The following KIF6 variants were observed in gnomAD, a reference collection of about 807,000 sequenced individuals.
KIF6 encodes the protein kinesin family member 6.
In KIF6, 106 loss-of-function variants were observed where a neutral mutation model predicts 112.7. The ratio of observed to expected loss-of-function variants is 0.94; its 90% CI spans 0.80 to 1.11. The LOEUF (loss-of-function observed/expected upper bound fraction) is 1.11, where lower values mean the gene tolerates loss of function less well. KIF6 is among the 50% of genes least tolerant of loss of function. KIF6 has a pLI of 0.00. For missense variants in KIF6, 929 were observed against 964.0 expected, an observed-to-expected ratio of 0.96 and a Z score of 0.48; for synonymous variants, 339 against 339.9, an observed-to-expected ratio of 1.00 and a Z score of 0.03.
intron 13 of KIF6, among the ~76,000 whole-genome samples, chr6:39,482,009 C>CACACACACAA (rs1774829707): frequency 8.5e-6 from 1 of 117,616 alleles, no homozygotes; most frequent in African/African-American, 3.1e-5. Context: ...CCTTTAGGCA[C>CACACACACAA]ACACACACAC....
chr6:39,496,597 G>A (rs1157285214), intron 13 of KIF6, among the ~76,000 whole-genome samples: 1 of 152,130 alleles, frequency 6.6e-6, no homozygotes, highest in Non-Finnish European at 1.5e-5. Flanking sequence ...GCAAGCCTGA[G>A]ATGGTCGTAG....
intron 3 of KIF6, among the ~76,000 whole-genome samples, chr6:39,714,386 C>T (rs745897532): frequency 1.9e-4 from 28 of 150,802 alleles, no homozygotes; most frequent in Non-Finnish European, 3.6e-4. Context: ...TCTGCCACCA[C>T]TACCCATGCA....
chr6:39,356,305 G>T (rs148936426), intron 19 of KIF6, among the ~76,000 whole-genome samples: 3,879 of 151,120 alleles, frequency 0.026, 186 homozygotes, highest in African/African-American at 0.088. Context: ...AGTCTCTGTC[G>T]CCCAGGCTGG....
At chr6:39,621,063 C>T (rs1296645375) in intron 5 of KIF6, among the ~76,000 whole-genome samples, 2 of 151,990 alleles carry the variant, frequency 1.3e-5, no homozygotes, top group East Asian at 3.9e-4. Context: ...GCCACCGCAC[C>T]CAGCCTACAA....
intron 13 of KIF6, among the ~76,000 whole-genome samples, chr6:39,496,997 C>T (rs770156069): frequency 2.0e-5 from 3 of 152,240 alleles, no homozygotes; most frequent in Non-Finnish European, 4.4e-5. Flanking sequence ...TGCTTTACAA[C>T]TTTATATTTA....
At chr6:39,441,106 A>G (rs115113889) in intron 13 of KIF6, among the ~76,000 whole-genome samples, 3,407 of 152,300 alleles carry the variant, frequency 0.022, 52 homozygotes, top group Non-Finnish European at 0.032. Context: ...TGAAAGGTGC[A>G]TGAAAGACAA....
chr6:39,548,289 T>C (rs1253731357), intron 10 of KIF6, among the ~76,000 whole-genome samples: 3 of 152,202 alleles, frequency 2.0e-5, no homozygotes, highest in African/African-American at 7.2e-5. Context: ...CACTCACAGA[T>C]TGCTCACGTG....
chr6:39,382,633 A>G (rs1270799175), intron 16 of KIF6, among the ~76,000 whole-genome samples: 2 of 151,964 alleles, frequency 1.3e-5, no homozygotes, highest in African/African-American at 4.8e-5. Context: ...CATAAGTTTG[A>G]GTGCCTGTGT....
chr6:39,615,208 G>C (rs370746356), intron 5 of KIF6, among the ~76,000 whole-genome samples: 1 of 151,860 alleles, frequency 6.6e-6, no homozygotes, highest in East Asian at 1.9e-4. Flanking sequence ...TAAAAAGAGA[G>C]AGAGAGAAAA....
At chr6:39,597,610 CAAAG>C (rs1277561174) in intron 6 of KIF6, among the ~76,000 whole-genome samples, 1 of 152,068 alleles carries the variant, frequency 6.6e-6, no homozygotes, top group Admixed American at 6.6e-5. Context: ...ACAATGCACA[CAAAG>C]AAATTCCAGA....
intron 13 of KIF6, 133 bp downstream of exon 13, chr6:39,539,870 A>C: frequency 2.9e-6 from 2 of 684,382 alleles, no homozygotes; most frequent in Non-Finnish European, 4.9e-6. Context: ...ATTTAATTTA[A>C]GATAATTGAT....
At chr6:39,432,255 G>A (rs1223288101) in intron 13 of KIF6, among the ~76,000 whole-genome samples, 1 of 152,160 alleles carries the variant, frequency 6.6e-6, no homozygotes. Flanking sequence ...CATTTAGAAG[G>A]TGCTCAGCAT....
At chr6:39,599,700 C>T (rs569665459) in intron 6 of KIF6, among the ~76,000 whole-genome samples, 8 of 152,228 alleles carry the variant, frequency 5.3e-5, no homozygotes, top group East Asian at 1.9e-4. Context: ...CTGTGATAGT[C>T]GCACAACAAT....
chr6:39,452,773 A>T (rs1337306705), intron 13 of KIF6, among the ~76,000 whole-genome samples: 2 of 152,216 alleles, frequency 1.3e-5, no homozygotes, highest in African/African-American at 4.8e-5. Context: ...GCCCAGTGTA[A>T]GCCAAGCAAC....
At chr6:39,416,465 A>G (rs1388761804) in intron 15 of KIF6, among the ~76,000 whole-genome samples, 1 of 152,230 alleles carries the variant, frequency 6.6e-6, no homozygotes, top group Non-Finnish European at 1.5e-5. Context: ...GCTCTCCGAC[A>G]GAAACACAGA....
chr6:39,451,093 C>T (rs935546125), intron 13 of KIF6, among the ~76,000 whole-genome samples: 5 of 152,010 alleles, frequency 3.3e-5, no homozygotes, highest in East Asian at 1.9e-4. Context: ...AATGCTGCAC[C>T]GAGTGTCTTG....
chr6:39,611,269 A>G (rs1428331352), intron 6 of KIF6, among the ~76,000 whole-genome samples: 1 of 152,166 alleles, frequency 6.6e-6, no homozygotes, highest in Non-Finnish European at 1.5e-5. Flanking sequence ...CACACACACC[A>G]TGGCACTCCA....
intron 8 of KIF6, 45 bp downstream of exon 8, chr6:39,586,216 A>C (rs750258428): frequency 6.2e-7 from 1 of 1,607,216 alleles, no homozygotes. Flanking sequence ...ACGTGCTAGC[A>C]GTAAAAACCT....
intron 7 of KIF6, among the ~76,000 whole-genome samples, chr6:39,591,218 GC>G (rs1394918867): frequency 6.6e-6 from 1 of 152,190 alleles, no homozygotes; most frequent in Non-Finnish European, 1.5e-5. Context: ...TCCTGGCCGA[GC>G]TTCTCATTGT....
Sources: gnomAD v4.1 joint callset for allele counts (sites outside exome capture counted in the v4.1 genomes callset) on GRCh38, gnomAD v4.1.1 for gene constraint, MANE v1.5 for transcripts, NCBI Gene and HGNC (gene_info 2026-07-23, HGNC 2026-07-21) for gene names.